The following CSMD1 variants were observed in gnomAD, a reference collection of about 807,000 sequenced individuals.
CSMD1 encodes the protein CUB and sushi domain-containing protein 1.
Under a neutral mutation model 417.5 loss-of-function variants are expected in CSMD1, and 213 were observed. That is an observed-to-expected ratio of 0.51 (90% CI 0.46 to 0.57). The LOEUF (loss-of-function observed/expected upper bound fraction) is 0.57, where lower values mean the gene tolerates loss of function less well. CSMD1 is among the 20% of genes least tolerant of loss of function. CSMD1 has a pLI of 0.00. For missense variants in CSMD1, 6,923 were observed against 4,529.7 expected (o/e 1.53, Z -15.17); for synonymous variants, 2,862 against 1,736.8 (o/e 1.65, Z -16.11).
chr8:3,236,691 T>C lies in CSMD1; in HGVS notation c.4154-6460A>G, dbSNP rs549950313. Among the ~76,000 whole-genome samples the C allele has an allele frequency of 5.9e-5, 9 of 152,334 alleles. No individual in the cohort carries two copies. In the South Asian group the frequency reaches 1.7e-3, roughly 28 times the overall value. ...CGCTGTCATTCCTCTTCCAGGGCTG[T>C]ATTCTTTTATGTGCCACATCATACA... On this transcript the variant is annotated intron_variant, in intron 26 of 69. Transcript: ENST00000635120.
intron 5 of CSMD1, among the ~76,000 whole-genome samples, chr8:3,825,603 AG>A (rs1474046421): frequency 6.6e-6 from 1 of 152,126 alleles, no homozygotes; most frequent in East Asian, 1.9e-4. Flanking sequence ...AGGGATTAAT[AG>A]AAGAGTACAG....
chr8:4,252,489 T>C (rs955715525), intron 3 of CSMD1, among the ~76,000 whole-genome samples: 8 of 152,246 alleles, frequency 5.3e-5, no homozygotes, highest in African/African-American at 1.9e-4. Flanking sequence ...CCAGGGCTTT[T>C]GAGAAGCCAG....
rs1311937380 is a variant in CSMD1 at position 4,623,259 on chromosome 8, G to C, written c.302+14083C>G. ...AAAATACTAATATTATTGGTCATCAGGGAAATGCAAATTCACATCACCGTA... is the reference window on the plus strand; with the variant it reads ...AAAATACTAATATTATTGGTCATCACGGAAATGCAAATTCACATCACCGTA... On this transcript the variant is annotated intron_variant, in intron 2 of 69. Coordinates refer to ENST00000635120, the MANE Select transcript of CSMD1 (RefSeq NM_033225.6). Among the ~76,000 whole-genome samples, 4 of 152,038 alleles carry C rather than the reference G, an allele frequency of 2.6e-5. 1 individual carries two copies. Among genetic ancestry groups the C allele is most frequent in the Non-Finnish European group, 5.9e-5 (4 of 67,996 alleles).
intron 69 of CSMD1, 134 bp downstream of exon 69, chr8:2,942,338 G>A (rs1166015405): frequency 3.2e-5 from 27 of 832,520 alleles, no homozygotes; most frequent in Non-Finnish European, 4.8e-5. Flanking sequence ...AATAAAAGTT[G>A]ATTTAAAAAA....
intron 49 of CSMD1, 65 bp from the exon 50 acceptor site, chr8:3,052,712 A>G: frequency 8.9e-7 from 1 of 1,121,114 alleles, no homozygotes; most frequent in South Asian, 1.9e-5. Flanking sequence ...TATTAAAACC[A>G]TTGATTGATT....
At chr8:4,076,333 C>G (rs188011068) in intron 3 of CSMD1, among the ~76,000 whole-genome samples, 2 of 152,300 alleles carry the variant, frequency 1.3e-5, no homozygotes, top group Non-Finnish European at 2.9e-5. Context: ...CCTTGCAGAA[C>G]TGTGTGTCAA....
intron 11 of CSMD1, among the ~76,000 whole-genome samples, chr8:3,472,729 C>G (rs572085095): frequency 1.1e-4 from 16 of 152,080 alleles, no homozygotes; most frequent in African/African-American, 2.9e-4. Context: ...ATTCCCAGCC[C>G]TTATTTCTTC....
At chr8:4,067,974 G>T (rs77204731) in intron 3 of CSMD1, among the ~76,000 whole-genome samples, 5 of 152,056 alleles carry the variant, frequency 3.3e-5, no homozygotes, top group African/African-American at 1.2e-4. Flanking sequence ...CTACTTGGGA[G>T]GCTGAGAAAG....
chr8:4,619,179 G>A (rs1435557431), intron 2 of CSMD1, among the ~76,000 whole-genome samples: 3 of 152,030 alleles, frequency 2.0e-5, no homozygotes, highest in Non-Finnish European at 4.4e-5. Context: ...ACTTTTAAGG[G>A]TGGTGGGCAG....
At chr8:4,344,531 T>C (rs1800671322) in intron 3 of CSMD1, among the ~76,000 whole-genome samples, 1 of 150,812 alleles carries the variant, frequency 6.6e-6, no homozygotes, top group South Asian at 2.1e-4. Flanking sequence ...GAAATATATA[T>C]AAATAAATAG....
rs1334783587 is a variant in CSMD1 at position 4,637,503 on chromosome 8, C to G, written c.141G>C (p.Gly47=). The part of the protein sequence containing the change: ...QGPNGTIESP[G]FPHGYPNYAN... Reference sequence around the variant, plus strand: ...CATAGTTCGGATACCCGTGAGGAAACCCTGGGCTCTCAATAGTGCCATTGG... The same window carrying G: ...CATAGTTCGGATACCCGTGAGGAAAGCCTGGGCTCTCAATAGTGCCATTGG... Residue 47 remains glycine, a synonymous_variant, in exon 2 of 70, where the codon GGG becomes GGC. Coordinates refer to ENST00000635120, the MANE Select transcript of CSMD1 (RefSeq NM_033225.6). 2 of 1,613,854 alleles carry G rather than the reference C, an allele frequency of 1.2e-6. No homozygotes were observed. The highest frequency in any genetic ancestry group is 1.7e-6 in the Non-Finnish European group (2 of 1,179,874).
At chr8:4,441,095 G>GTTTTTTTTTGTTTTTTTTTTTTT (rs1798444969) in intron 2 of CSMD1, among the ~76,000 whole-genome samples, 1 of 51,296 alleles carries the variant, frequency 1.9e-5, no homozygotes, top group Non-Finnish European at 3.6e-5. Context: ...TAATCAAAAG[G>GTTTTTTTTTGTTTTTTTTTTTTT]TTTTTTTTTT....
intron 37 of CSMD1, among the ~76,000 whole-genome samples, chr8:3,179,163 T>G (rs544136947): frequency 6.6e-6 from 1 of 151,442 alleles, no homozygotes; most frequent in Non-Finnish European, 1.5e-5. Flanking sequence ...GCCAGGACTG[T>G]CTCGATCTCC....
intron 7 of CSMD1, among the ~76,000 whole-genome samples, chr8:3,680,424 C>A (rs760543593): frequency 1.3e-5 from 2 of 152,172 alleles, no homozygotes; most frequent in Non-Finnish European, 2.9e-5. Context: ...CGCAAATGAA[C>A]TAGAAAATCT....
chr8:3,533,578 G>C (rs1013469670), intron 10 of CSMD1, among the ~76,000 whole-genome samples: 3 of 152,098 alleles, frequency 2.0e-5, no homozygotes, highest in African/African-American at 7.2e-5. Flanking sequence ...CACTGCTGTT[G>C]AATGAGAATC....
intron 3 of CSMD1, among the ~76,000 whole-genome samples, chr8:4,389,135 C>A (rs944360809): frequency 6.6e-6 from 1 of 152,200 alleles, no homozygotes; most frequent in African/African-American, 2.4e-5. Context: ...TTAAGTGTAT[C>A]TGTTCTAAAG....
chr8:4,780,660 A>C (rs1478496431), intron 1 of CSMD1, among the ~76,000 whole-genome samples: 2 of 152,074 alleles, frequency 1.3e-5, no homozygotes, highest in African/African-American at 4.8e-5. Context: ...ATCCTGGTGC[A>C]CCCATCACCC....
At chr8:3,525,294 G>C (rs557967105) in intron 10 of CSMD1, among the ~76,000 whole-genome samples, 3 of 152,222 alleles carry the variant, frequency 2.0e-5, no homozygotes, top group East Asian at 3.9e-4. Flanking sequence ...CAACAGACCA[G>C]GTTAAAAAGG....
At chr8:4,609,849 A>G (rs7830169) in intron 2 of CSMD1, among the ~76,000 whole-genome samples, 3,841 of 152,332 alleles carry the variant, frequency 0.025, 82 homozygotes, top group African/African-American at 0.05. Flanking sequence ...GCTTTCTGAT[A>G]GCTCTGGTAA....
Sources: allele counts gnomAD v4.1 joint callset (sites outside exome capture counted in the v4.1 genomes callset), GRCh38; gene constraint gnomAD v4.1.1; transcripts MANE v1.5; gene names NCBI Gene and HGNC (gene_info 2026-07-23, HGNC 2026-07-21).